Variants in MEF2C observed in about 807,000 individuals in gnomAD.
MEF2C encodes myocyte-specific enhancer factor 2C.
Under a neutral mutation model 50.5 loss-of-function variants are expected in MEF2C, and 6 were observed. The observed-to-expected ratio is 0.12, with a 90% CI of 0.07 to 0.23. The LOEUF (loss-of-function observed/expected upper bound fraction) is 0.23. Ranked by LOEUF, MEF2C falls within the 10% of genes least tolerant of loss-of-function variation. MEF2C has a pLI of 1.00. For synonymous variants in MEF2C, 183 were observed against 228.0 expected (o/e 0.80, Z 1.78); for missense variants, 276 against 605.0 (o/e 0.46, Z 5.70).
At chr5:88,834,503 C>A (rs77177005) in intron 1 of MEF2C, among the ~76,000 whole-genome samples, 3 of 151,966 alleles carry the variant, frequency 2.0e-5, no homozygotes, top group Non-Finnish European at 4.4e-5. Flanking sequence ...ATGAAGCTTA[C>A]GTTCTAAGGG....
chr5:88,743,162 T>C lies in MEF2C; in HGVS notation c.637+5908A>G, dbSNP rs1002628568. The C allele has an allele frequency of 5.5e-6, 5 of 916,550 alleles. No individual in the cohort carries two copies. The African/African-American group carries it at 9.0e-5, about 16-fold the overall frequency. 56.8% of individuals were successfully genotyped at this position (916,550 alleles called of 1,614,324 possible). ...TTTTAAAAATAATATAAAAATTATA[T>C]CTTTATACTAACAATTAGTTTTCTT... On this transcript the variant is annotated intron_variant, in intron 6 of 10. Transcript: ENST00000504921.
intron 6 of MEF2C, chr5:88,748,694 A>G (rs1391515696): frequency 1.2e-6 from 1 of 845,572 alleles, no homozygotes. Flanking sequence ...TAGAAGTTCA[A>G]TACTTCTTTG....
chr5:88,724,076 A>T (rs1284629118), intron 10 of MEF2C, among the ~76,000 whole-genome samples: 1 of 152,124 alleles, frequency 6.6e-6, no homozygotes, highest in Non-Finnish European at 1.5e-5. Flanking sequence ...GGATTACTTG[A>T]CTATATTGTC....
chr5:88,751,807 A>G, intron 5 of MEF2C, 50 bp downstream of exon 5: 1 of 1,578,408 alleles, frequency 6.3e-7, no homozygotes, highest in Non-Finnish European at 8.7e-7. Context: ...CTTTGCCGAA[A>G]ATGGTTCCTT....
chr5:88,862,850 T>A (rs547389863), intron 1 of MEF2C, among the ~76,000 whole-genome samples: 23 of 152,184 alleles, frequency 1.5e-4, no homozygotes, highest in Non-Finnish European at 3.2e-4. Flanking sequence ...TACCAGAGAA[T>A]GGAAAGAAGA....
intron 6 of MEF2C, chr5:88,741,823 C>T (rs1766970527): frequency 1.0e-6 from 1 of 984,790 alleles, no homozygotes; most frequent in South Asian, 4.7e-5. Flanking sequence ...AATTTGAGTT[C>T]AGTTAAAACA....
chr5:88,835,676 G>C (rs1814801360), intron 1 of MEF2C, among the ~76,000 whole-genome samples: 1 of 151,838 alleles, frequency 6.6e-6, no homozygotes, highest in Non-Finnish European at 1.5e-5. Flanking sequence ...AGCCAGGTGT[G>C]GTGGTGGGTG....
At chr5:88,880,832 GA>G (rs1832615574) in intron 1 of MEF2C, 2 of 151,880 alleles carry the variant, frequency 1.3e-5, no homozygotes, top group South Asian at 4.2e-4. Context: ...TTTAAAATAT[GA>G]ATAGCTCAGA....
intron 2 of MEF2C, among the ~76,000 whole-genome samples, chr5:88,815,236 A>G (rs1804783482): frequency 6.6e-6 from 1 of 152,094 alleles, no homozygotes; most frequent in African/African-American, 2.4e-5. Context: ...CTGCTGAGCA[A>G]ATGCTCAGGA....
intron 3 of MEF2C, among the ~76,000 whole-genome samples, chr5:88,763,547 T>C (rs946369697): frequency 2.6e-5 from 4 of 152,314 alleles, no homozygotes; most frequent in East Asian, 1.9e-4. Context: ...ATTCCACATA[T>C]TTTTCATTAG....
intron 4 of MEF2C, among the ~76,000 whole-genome samples, chr5:88,754,849 C>G (rs1478761484): frequency 6.6e-6 from 1 of 152,208 alleles, no homozygotes; most frequent in Admixed American, 6.5e-5. Context: ...TTCCAAGGGT[C>G]CACAGGCCCT....
At chr5:88,752,103 AAGAC>A (rs1773087699) in intron 4 of MEF2C, 60 bp from the exon 5 acceptor site, 2 of 1,440,402 alleles carry the variant, frequency 1.4e-6, no homozygotes, top group African/African-American at 2.8e-5. Context: ...GAAGCTCTTC[AAGAC>A]AGACAGCCCT....
chr5:88,832,464 A>T (rs1343523323), intron 1 of MEF2C, among the ~76,000 whole-genome samples: 1 of 151,994 alleles, frequency 6.6e-6, no homozygotes, highest in Admixed American at 6.6e-5. Context: ...TTTTTCACAT[A>T]TGCCCAATTG....
At chr5:88,850,719 CAT>C (rs1427183777) in intron 1 of MEF2C, among the ~76,000 whole-genome samples, 132 of 151,850 alleles carry the variant, frequency 8.7e-4, no homozygotes, top group African/African-American at 2.9e-3. Context: ...CACACACACA[CAT>C]ATATATGCAC....
intron 1 of MEF2C, among the ~76,000 whole-genome samples, chr5:88,833,603 G>A (rs1813885241): frequency 6.6e-6 from 1 of 152,058 alleles, no homozygotes; most frequent in African/African-American, 2.4e-5. Context: ...CCTCATCAAA[G>A]TAAGAGCTCA....
In MEF2C at chr5:88,717,214, G is replaced by A. The variant is rs989303682; in HGVS notation, c.*5390C>T. The stretch of plus-strand genomic sequence containing the variant: ...AAGCTAGGGCCATATGTGACTGCAG[G>A]GGTCACATGCCCACAAACAGCTTTG... On this transcript the variant is annotated 3_prime_UTR_variant, in exon 11 of 11. Transcript: ENST00000504921. The A allele has an allele frequency of 3.9e-5, 6 of 152,210 alleles. No individual in the cohort carries two copies. The highest frequency in any genetic ancestry group is 2.6e-4 in the Admixed American group (4 of 15,284). The allele number at this position is 152,210 out of a possible 1,614,324, so 9.4% of individuals were successfully genotyped here.
intron 1 of MEF2C, chr5:88,825,582 C>T: frequency 1.0e-6 from 1 of 979,376 alleles, no homozygotes; most frequent in East Asian, 1.1e-4. Context: ...ATATTGAAAT[C>T]ACATTAAAAT....
At chr5:88,824,742 C>T (rs1232647823) in intron 1 of MEF2C, 2 of 151,912 alleles carry the variant, frequency 1.3e-5, no homozygotes, top group Non-Finnish European at 2.9e-5. Context: ...CATATCATGT[C>T]TTTGTGGAGT....
At chr5:88,874,374 C>T (rs1407177916) in intron 1 of MEF2C, among the ~76,000 whole-genome samples, 2 of 151,948 alleles carry the variant, frequency 1.3e-5, no homozygotes, top group Non-Finnish European at 2.9e-5. Flanking sequence ...TTACAATAGC[C>T]TAAATAGAAG....
Sources: gnomAD v4.1 joint callset for allele counts (sites outside exome capture counted in the v4.1 genomes callset) on GRCh38, gnomAD v4.1.1 for gene constraint, MANE v1.5 for transcripts, NCBI Gene and HGNC (gene_info 2026-07-23, HGNC 2026-07-21) for gene names.